ADAM20: variants seen among roughly 807,000 people sequenced by gnomAD.
The protein encoded by ADAM20 is ADAM metallopeptidase domain 20.
For synonymous variants in ADAM20, 305 were observed against 310.2 expected (o/e 0.98, Z 0.18); for missense variants, 871 against 883.2 (o/e 0.99, Z 0.18).
the ADAM20 span, among the ~76,000 whole-genome samples, chr14:70,547,635 C>G: frequency 3.6e-5 from 1 of 28,100 alleles, no homozygotes; most frequent in Non-Finnish European, 7.4e-5. Context: ...ATATCCCACA[C>G]CTGGCTCAGA....
At chr14:70,543,608 C>G in the ADAM20 span, among the ~76,000 whole-genome samples, 2 of 152,164 alleles carry the variant, frequency 1.3e-5, no homozygotes, top group African/African-American at 4.8e-5. Flanking sequence ...CATGGGTCAT[C>G]CCATTCTTGG....
chr14:70,525,856 G>C (rs1206404967), intron 1 of ADAM20, among the ~76,000 whole-genome samples: 1 of 152,166 alleles, frequency 6.6e-6, no homozygotes, highest in Non-Finnish European at 1.5e-5. Flanking sequence ...GCATGTGATA[G>C]GGTAACAGGG....
the ADAM20 span, among the ~76,000 whole-genome samples, chr14:70,576,537 G>T: frequency 2.0e-5 from 3 of 152,196 alleles, no homozygotes; most frequent in East Asian, 5.8e-4. Flanking sequence ...ACTGGAGGAA[G>T]AAATAAGAAA....
the ADAM20 span, among the ~76,000 whole-genome samples, chr14:70,567,787 C>G: frequency 9.2e-5 from 14 of 152,154 alleles, no homozygotes; most frequent in Non-Finnish European, 1.9e-4. Flanking sequence ...TGGCCCACAG[C>G]TGCTCTGCAA....
chr14:70,541,529 G>T, the ADAM20 span, among the ~76,000 whole-genome samples: 22 of 152,102 alleles, frequency 1.4e-4, no homozygotes, highest in African/African-American at 5.3e-4. Flanking sequence ...GTTAAAAAAA[G>T]GTCTATAAAA....
At chr14:70,538,992 TA>T (rs1412807012), upstream of ADAM20, among the ~76,000 whole-genome samples, 1 of 152,098 alleles carries the variant, frequency 6.6e-6, no homozygotes, top group Non-Finnish European at 1.5e-5. Flanking sequence ...TGCTATAAAA[TA>T]AAAGATGAAA....
At chr14:70,565,249 T>C in the ADAM20 span, among the ~76,000 whole-genome samples, 1 of 150,056 alleles carries the variant, frequency 6.7e-6, no homozygotes, top group Non-Finnish European at 1.5e-5. Flanking sequence ...GAAAAAATAA[T>C]GAAAAGAAGT....
At chr14:70,553,762 A>G in the ADAM20 span, among the ~76,000 whole-genome samples, 1 of 151,466 alleles carries the variant, frequency 6.6e-6, no homozygotes, top group African/African-American at 2.4e-5. Context: ...AAAAAAAAAA[A>G]ACTGGTATAA....
At chr14:70,530,706 G>A (rs544685015) in intron 1 of ADAM20, among the ~76,000 whole-genome samples, 2 of 152,254 alleles carry the variant, frequency 1.3e-5, no homozygotes, top group Middle Eastern at 3.4e-3. Flanking sequence ...TTCTTATGTG[G>A]TTCATCTGCA....
At chr14:70,553,309 T>TA in the ADAM20 span, among the ~76,000 whole-genome samples, 3,446 of 17,278 alleles carry the variant, frequency 0.2, 439 homozygotes, top group Non-Finnish European at 0.24. Context: ...TAGAGTATAA[T>TA]AAAAAAAAAA....
rs1883795872 is a variant in ADAM20 at position 70,534,780 on chromosome 14, C to G, written c.-177+17G>C. 6.6e-6 allele frequency: 1 copy of G among 152,090 alleles called. No individual in the cohort carries two copies. The allele number at this position is 152,090 out of a possible 1,614,324, so 9.4% of individuals were successfully genotyped here. On this transcript the variant is annotated intron_variant, in intron 1 of 1. Coordinates refer to ENST00000256389, the MANE Select transcript of ADAM20 (RefSeq NM_003814.5). ...CATATAGTTAATAATACTGTAGCTC[C>G]TTCTAGCAAATCTTACCTCTGTGTC...
At chr14:70,553,406 A>C in the ADAM20 span, among the ~76,000 whole-genome samples, 5 of 148,940 alleles carry the variant, frequency 3.4e-5, no homozygotes, top group African/African-American at 1.2e-4. Flanking sequence ...AAGTAGAGAA[A>C]GGGATACTTC....
chr14:70,535,174 T>TTAATTTAATGTAATTAAGC (rs1346317368), upstream of ADAM20, among the ~76,000 whole-genome samples: 23 of 152,342 alleles, frequency 1.5e-4, no homozygotes, highest in Non-Finnish European at 4.4e-5. Flanking sequence ...ATAGCTATAT[T>TTAATTTAATGTAATTAAGC]TAATTTAATG....
chr14:70,558,506 G>T, the ADAM20 span, among the ~76,000 whole-genome samples: 1 of 151,746 alleles, frequency 6.6e-6, no homozygotes, highest in Non-Finnish European at 1.5e-5. Flanking sequence ...TGTGTGTGTG[G>T]TGCCAAGTAC....
chr14:70,575,794 T>C, the ADAM20 span, among the ~76,000 whole-genome samples: 2 of 152,150 alleles, frequency 1.3e-5, no homozygotes, highest in African/African-American at 4.8e-5. Flanking sequence ...CAGACAACTA[T>C]AGATCTTTAG....
At chr14:70,539,426 C>G (rs1047489071), upstream of ADAM20, among the ~76,000 whole-genome samples, 4 of 152,170 alleles carry the variant, frequency 2.6e-5, no homozygotes, top group Non-Finnish European at 4.4e-5. Flanking sequence ...TGTGGGGAGC[C>G]TATAAATGGA....
At chr14:70,542,515 T>G in the ADAM20 span, among the ~76,000 whole-genome samples, 1 of 152,304 alleles carries the variant, frequency 6.6e-6, no homozygotes, top group Non-Finnish European at 1.5e-5. Context: ...CCAAGTTATC[T>G]TGGAACCTCA....
At chr14:70,567,696 C>G in the ADAM20 span, among the ~76,000 whole-genome samples, 1 of 152,088 alleles carries the variant, frequency 6.6e-6, no homozygotes, top group African/African-American at 2.4e-5. Flanking sequence ...ATCCCAGCAA[C>G]AGAGAACAGA....
the ADAM20 span, among the ~76,000 whole-genome samples, chr14:70,558,900 A>T: frequency 5.9e-5 from 9 of 151,782 alleles, no homozygotes; most frequent in African/African-American, 1.9e-4. Flanking sequence ...ATTATTTTAT[A>T]TCTTCCCTAT....
Sources: allele counts gnomAD v4.1 joint callset (sites outside exome capture counted in the v4.1 genomes callset), GRCh38; gene constraint gnomAD v4.1.1; transcripts MANE v1.5; gene names NCBI Gene and HGNC (gene_info 2026-07-23, HGNC 2026-07-21).